The following GALNT13 variants were observed in gnomAD, a reference collection of about 807,000 sequenced individuals.
The protein encoded by GALNT13 is UDP-GalNAc:polypeptide N-acetylgalactosaminyltransferase 13.
GALNT13 carries 28 observed loss-of-function variants against 64.2 expected under a neutral mutation model. The observed-to-expected ratio is 0.44, with a 90% CI of 0.32 to 0.60. GALNT13 has a LOEUF of 0.60. GALNT13 is among the 20% of genes least tolerant of loss of function. GALNT13 has a pLI of 0.05. For missense variants in GALNT13, 577 were observed against 669.8 expected (o/e 0.86, Z 1.53); for synonymous variants, 214 against 224.6 (o/e 0.95, Z 0.42).
At chr2:153,625,583 G>A in the GALNT13 span, among the ~76,000 whole-genome samples, 54 of 152,198 alleles carry the variant, frequency 3.5e-4, no homozygotes, top group African/African-American at 1.1e-3. Context: ...GATATTTTAC[G>A]GAGTCCCTGT....
At chr2:154,252,172 C>T (rs2105889231) in intron 7 of GALNT13, among the ~76,000 whole-genome samples, 1 of 151,320 alleles carries the variant, frequency 6.6e-6, no homozygotes, top group Admixed American at 6.6e-5. Flanking sequence ...TGATTATTTG[C>T]CAAGTAAGAT....
chr2:154,068,976 T>A (rs1574445490), intron 3 of GALNT13, among the ~76,000 whole-genome samples: 1 of 152,144 alleles, frequency 6.6e-6, no homozygotes, highest in African/African-American at 2.4e-5. Flanking sequence ...TTGTGATGAT[T>A]ATGCATTGTG....
chr2:154,300,091 C>CTT (rs1693344695), intron 8 of GALNT13, among the ~76,000 whole-genome samples: 1 of 108,098 alleles, frequency 9.3e-6, no homozygotes, highest in Non-Finnish European at 1.8e-5. Flanking sequence ...TTTTTTCTTT[C>CTT]TTTCTCTCTT....
chr2:153,249,359 G>A, the GALNT13 span, among the ~76,000 whole-genome samples: 2 of 152,286 alleles, frequency 1.3e-5, no homozygotes, highest in East Asian at 3.9e-4. Flanking sequence ...ACAAATCACT[G>A]CTCAAAGAAA....
At chr2:153,961,963 A>G (rs149404627) in intron 3 of GALNT13, among the ~76,000 whole-genome samples, 4 of 152,314 alleles carry the variant, frequency 2.6e-5, no homozygotes, top group African/African-American at 9.6e-5. Flanking sequence ...TGCTGATTGA[A>G]TAACGAATGC....
the GALNT13 span, among the ~76,000 whole-genome samples, chr2:153,824,253 AAC>A: frequency 1.3e-5 from 2 of 152,252 alleles, no homozygotes; most frequent in African/African-American, 2.4e-5. Flanking sequence ...GTTGGTGTAT[AAC>A]ACACACACTG....
chr2:154,150,180 G>T (rs1240845284), intron 4 of GALNT13, among the ~76,000 whole-genome samples: 2 of 152,208 alleles, frequency 1.3e-5, no homozygotes, highest in Admixed American at 1.3e-4. Context: ...CATCTATTGA[G>T]ATAATCATGT....
the GALNT13 span, among the ~76,000 whole-genome samples, chr2:153,645,608 T>C: frequency 2.0e-5 from 3 of 152,164 alleles, no homozygotes; most frequent in Non-Finnish European, 4.4e-5. Context: ...TCATGATTTA[T>C]GGATTTTGTA....
At chr2:153,784,512 T>C in the GALNT13 span, among the ~76,000 whole-genome samples, 21 of 152,320 alleles carry the variant, frequency 1.4e-4, no homozygotes, top group African/African-American at 5.1e-4. Context: ...ATTTTAAATA[T>C]TGCTAGGCCG....
intron 9 of GALNT13, among the ~76,000 whole-genome samples, chr2:154,354,405 C>CTTTTTTTTTTTTTTTTTTT (rs546187850): frequency 3.3e-5 from 2 of 60,360 alleles, no homozygotes; most frequent in African/African-American, 1.4e-4. Context: ...TGATGTAGTC[C>CTTTTTTTTTTTTTTTTTTT]TTTTTTTTTT....
the GALNT13 span, among the ~76,000 whole-genome samples, chr2:153,451,953 A>G: frequency 1.2e-4 from 19 of 152,286 alleles, no homozygotes; most frequent in East Asian, 3.1e-3. Context: ...CTTCCTGACT[A>G]AAAAATGTGG....
At chr2:153,273,227 T>G in the GALNT13 span, among the ~76,000 whole-genome samples, 1 of 152,164 alleles carries the variant, frequency 6.6e-6, no homozygotes, top group Non-Finnish European at 1.5e-5. Flanking sequence ...TGTATACCTA[T>G]GTAACAAACC....
the GALNT13 span, among the ~76,000 whole-genome samples, chr2:153,272,770 A>C: frequency 1.5e-4 from 23 of 152,246 alleles, no homozygotes; most frequent in Non-Finnish European, 2.6e-4. Flanking sequence ...TACTGGGTAT[A>C]TACCTAAAGG....
chr2:153,967,990 T>C (rs1445981485), intron 3 of GALNT13, among the ~76,000 whole-genome samples: 5 of 150,706 alleles, frequency 3.3e-5, no homozygotes, highest in African/African-American at 1.2e-4. Flanking sequence ...CTCTGTACTA[T>C]CTTCTCTCCT....
At chr2:153,467,511 G>T in the GALNT13 span, among the ~76,000 whole-genome samples, 29 of 152,044 alleles carry the variant, frequency 1.9e-4, no homozygotes, top group Non-Finnish European at 3.1e-4. Flanking sequence ...AATATTCTCA[G>T]ATCTAGATTT....
intron 3 of GALNT13, among the ~76,000 whole-genome samples, chr2:153,993,740 C>T (rs578132433): frequency 1.3e-5 from 2 of 148,406 alleles, no homozygotes; most frequent in African/African-American, 2.5e-5. Flanking sequence ...TTCTTCTTGA[C>T]ATATTAGATG....
In GALNT13 at chr2:154,091,220, G is replaced by A. The variant is rs550230613; in HGVS notation, c.143-49117G>A. 9.9e-5 allele frequency among the ~76,000 whole-genome samples: 15 copies of A among 151,944 alleles called. No individual in the cohort carries two copies. The South Asian group carries it at 2.3e-3, about 23-fold the overall frequency. ...GAGTGCAGACAATGCAGTATAAGCT[G>A]GATTATGTTATGTTGTAAAATTTTA... On this transcript the variant is annotated intron_variant, in intron 3 of 12. Transcript: ENST00000392825.
chr2:153,572,112 G>A, the GALNT13 span, among the ~76,000 whole-genome samples: 13 of 151,462 alleles, frequency 8.6e-5, no homozygotes, highest in African/African-American at 2.2e-4. Flanking sequence ...TTATCCCTTC[G>A]ATCTCATTAC....
At chr2:153,953,780 C>T (rs936787267) in intron 3 of GALNT13, among the ~76,000 whole-genome samples, 1 of 152,086 alleles carries the variant, frequency 6.6e-6, no homozygotes, top group Non-Finnish European at 1.5e-5. Flanking sequence ...AGACAGTTAT[C>T]ACCTTCTCTG....
Sources: gnomAD v4.1 joint callset for allele counts (sites outside exome capture counted in the v4.1 genomes callset) on GRCh38, gnomAD v4.1.1 for gene constraint, MANE v1.5 for transcripts, NCBI Gene and HGNC (gene_info 2026-07-23, HGNC 2026-07-21) for gene names.